Variants in SVIP observed in about 807,000 individuals in gnomAD.
SVIP encodes the protein small VCP interacting protein.
Under a neutral mutation model 12.9 loss-of-function variants are expected in SVIP, and 14 were observed. The observed-to-expected ratio is 1.08, with a 90% CI of 0.72 to 1.70. The LOEUF (loss-of-function observed/expected upper bound fraction) is 1.70, where lower values mean the gene tolerates loss of function less well. SVIP is among the 40% of genes most tolerant of loss of function. The pLI, the probability that SVIP is intolerant of heterozygous loss-of-function variation, is 0.00. For synonymous variants in SVIP, 35 were observed against 33.3 expected (o/e 1.05, Z -0.17); for missense variants, 93 against 90.8 (o/e 1.02, Z -0.10).
chr11:22,823,105 A>G lies in SVIP; in HGVS notation c.*14T>C. On this transcript the variant is annotated 3_prime_UTR_variant, in exon 4 of 4. Transcript: ENST00000354193. ...ACAGTTATTGGCAGTAGATTCTTCT[A>G]CTCATGTTATGCTTTATGAAACTGT... The G allele has an allele frequency of 6.3e-7, 1 of 1,584,516 alleles. No homozygotes were observed. The highest frequency in any genetic ancestry group is 1.2e-5 in the South Asian group (1 of 86,506).
chr11:22,825,412 G>A (rs199831381), intron 3 of SVIP, among the ~76,000 whole-genome samples: 1 of 152,122 alleles, frequency 6.6e-6, no homozygotes, highest in East Asian at 1.9e-4. Context: ...AGTGGTAGGT[G>A]ATGAGGAATA....
At position 22,829,790 on chromosome 11, in the gene SVIP, C is replaced by A. The variant is rs761567401; in HGVS notation, c.-42G>T. Reference sequence around the variant, plus strand: ...GAACCCTGACCGGGTCCGGCCCAGGCCAGGCGGCGCTAACTGCGCGGTCCG... The same window carrying A: ...GAACCCTGACCGGGTCCGGCCCAGGACAGGCGGCGCTAACTGCGCGGTCCG... On this transcript the variant is annotated 5_prime_UTR_variant, in exon 1 of 4. Transcript: ENST00000354193. The A allele has an allele frequency of 1.3e-6, 2 of 1,564,330 alleles. No homozygotes were observed. Among genetic ancestry groups the A allele is most frequent in the Non-Finnish European group, 1.7e-6 (2 of 1,153,254 alleles).
Position 22,822,433 on chromosome 11 carries a change from C to T in SVIP, c.*686G>A, listed in dbSNP as rs984367618. ...GAGCTGAATTTAATATACAATAGAA[C>T]ATCACTGCCCTCTGATGGTATCACT... On this transcript the variant is annotated 3_prime_UTR_variant, in exon 4 of 4. Transcript: ENST00000354193. The T allele has an allele frequency of 6.6e-6, 1 of 152,094 alleles. No individual in the cohort carries two copies. The highest frequency in any genetic ancestry group is 1.5e-5 in the Non-Finnish European group (1 of 67,964). 9.4% of individuals were successfully genotyped at this position (152,094 alleles called of 1,614,324 possible). A position where few individuals can be genotyped will look rare whatever the true frequency, so the allele number is the denominator to read the frequency against.
Position 22,821,228 on chromosome 11 carries a change from C to A in SVIP, c.*1891G>T, listed in dbSNP as rs1857475171. On this transcript the variant is annotated 3_prime_UTR_variant, in exon 4 of 4. Transcript: ENST00000354193. ...TTTCTCATAAGACATCCAGTCACTT[C>A]TTTTCCCTTGCCCTTTCCTAACACT... 1 of 150,410 alleles carries A rather than the reference C, an allele frequency of 6.6e-6. No homozygotes were observed. Among genetic ancestry groups the A allele is most frequent in the Non-Finnish European group, 1.5e-5 (1 of 67,688 alleles). 9.3% of individuals were successfully genotyped at this position (150,410 alleles called of 1,614,324 possible). A position where few individuals can be genotyped will look rare whatever the true frequency, so the allele number is the denominator to read the frequency against.
At chr11:22,829,560 A>T in intron 1 of SVIP, 135 bp downstream of exon 1, 1 of 875,828 alleles carries the variant, frequency 1.1e-6, no homozygotes, top group Non-Finnish European at 1.7e-6. Flanking sequence ...TGACGCGTCC[A>T]CCCGTCCTCG....
rs149106846 is a variant in SVIP, at chr11:22,821,630, G to C, written c.*1489C>G. On this transcript the variant is annotated 3_prime_UTR_variant, in exon 4 of 4. Coordinates refer to ENST00000354193, the MANE Select transcript of SVIP (RefSeq NM_148893.3). ...AATCATTCCTTTTACTTTCTGCCTT[G>C]AAAAAATCATTTTAATAAAATCAAA... The C allele has an allele frequency of 1.7e-4, 26 of 152,052 alleles. No individual in the cohort carries two copies. The highest frequency in any genetic ancestry group is 5.1e-4 in the African/African-American group (21 of 41,492). 9.4% of individuals were successfully genotyped at this position (152,052 alleles called of 1,614,324 possible). A position where few individuals can be genotyped will look rare whatever the true frequency, so the allele number is the denominator to read the frequency against.
intron 1 of SVIP, chr11:22,829,421 C>A (rs974662201): frequency 2.6e-6 from 1 of 378,120 alleles, no homozygotes; most frequent in East Asian, 4.2e-5. Flanking sequence ...TATGAAGATC[C>A]GGCGCAGCTA....
Position 22,819,261 on chromosome 11 carries a change from AG to A in SVIP, c.*3857del, listed in dbSNP as rs1381984376. On this transcript the variant is annotated 3_prime_UTR_variant, in exon 4 of 4. Coordinates refer to ENST00000354193, the MANE Select transcript of SVIP (RefSeq NM_148893.3). ...TAGACAGAGAAAAGGGCATTTTAGG[AG>A]TTTGATAGGAAAAGGAGTTTAGCAT... The A allele has an allele frequency of 6.6e-6, 1 of 152,170 alleles. No individual in the cohort carries two copies. The highest frequency in any genetic ancestry group is 1.5e-5 in the Non-Finnish European group (1 of 68,038). The allele number at this position is 152,170 out of a possible 1,614,324, so 9.4% of individuals were successfully genotyped here.
At position 22,820,426 on chromosome 11, in the gene SVIP, G is replaced by GA. The variant is rs1324835467; in HGVS notation, c.*2692dup. On this transcript the variant is annotated 3_prime_UTR_variant, in exon 4 of 4. Transcript: ENST00000354193. The stretch of plus-strand genomic sequence containing the variant: ...CTAATTACATCATTTTTCCTTTATA[G>GA]AAAATCCACCTATAAATCCAGGGAT... 1 of 152,046 alleles carries GA rather than the reference G, an allele frequency of 6.6e-6. No homozygotes were observed. Among genetic ancestry groups the GA allele is most frequent in the African/African-American group, 2.4e-5 (1 of 41,416 alleles). The allele number at this position is 152,046 out of a possible 1,614,324, so 9.4% of individuals were successfully genotyped here.
intron 3 of SVIP, among the ~76,000 whole-genome samples, chr11:22,826,966 T>A (rs1266944420): frequency 6.6e-6 from 1 of 152,074 alleles, no homozygotes; most frequent in East Asian, 1.9e-4. Flanking sequence ...AGCATAAGAG[T>A]ATTAAAATAT....
At position 22,820,925 on chromosome 11, in the gene SVIP, T is replaced by C. The variant is rs1166916803; in HGVS notation, c.*2194A>G. The C allele has an allele frequency of 2.0e-5, 3 of 151,910 alleles. No individual in the cohort carries two copies. Among genetic ancestry groups the C allele is most frequent in the African/African-American group, 7.2e-5 (3 of 41,398 alleles). 9.4% of individuals were successfully genotyped at this position (151,910 alleles called of 1,614,324 possible). On this transcript the variant is annotated 3_prime_UTR_variant, in exon 4 of 4. Transcript: ENST00000354193. ...TAATAGGTCAGGGGTTTGAGCAACA[T>C]TTTAAGCATTATAATTTTCTCCTAA...
chr11:22,827,233 C>T lies in SVIP; in HGVS notation c.193G>A (p.Gly65Arg), dbSNP rs1205552577. 5.6e-6 allele frequency: 9 copies of T among 1,608,654 alleles called. No individual in the cohort carries two copies. Among genetic ancestry groups the T allele is most frequent in the African/African-American group, 1.3e-5 (1 of 74,408 alleles). ...CTAAGTCCACCTTCTGGTGGGGGCCCGGATGTAGCAATTTGTTTTTCTATT... is the reference window on the plus strand; with the variant it reads ...CTAAGTCCACCTTCTGGTGGGGGCCTGGATGTAGCAATTTGTTTTTCTATT... ...EKIEKQIATS[G>R]PPPEGGLRWT... The change falls in exon 3 of 4, where the codon GGG becomes AGG. Residue 65 changes from glycine to arginine, a missense_variant. By Grantham distance (125) the Gly-to-Arg change is moderately radical. Coordinates refer to ENST00000354193, the MANE Select transcript of SVIP (RefSeq NM_148893.3).
In SVIP at chr11:22,823,148, A is replaced by G. The variant is rs375310284; in HGVS notation, c.220-15T>C. 1.5e-5 allele frequency: 23 copies of G among 1,577,576 alleles called. No homozygotes were observed. The Admixed American group carries it at 3.8e-4, about 26-fold the overall frequency. ...GAAACTGTCCACTAGAAAAGATAAA[A>G]AAGAGACAGAAAAGTAAATTTTACT... is the stretch of plus-strand genomic sequence containing the variant. On this transcript the variant is annotated splice_polypyrimidine_tract_variant and intron_variant, in intron 3 of 3. Transcript: ENST00000354193.
At chr11:22,828,556 A>G (rs2134771485) in intron 1 of SVIP, among the ~76,000 whole-genome samples, 1 of 152,242 alleles carries the variant, frequency 6.6e-6, no homozygotes, top group African/African-American at 2.4e-5. Flanking sequence ...TGTGGGGAAT[A>G]TATTTTGTTT....
chr11:22,822,995 G>T lies in SVIP; in HGVS notation c.*124C>A. On this transcript the variant is annotated 3_prime_UTR_variant, in exon 4 of 4. Coordinates refer to ENST00000354193, the MANE Select transcript of SVIP (RefSeq NM_148893.3). ...ACGTTTTTTTAGCATTGCACTTAAG[G>T]GCAATAATATTACAAAGTCTGAATC... is the stretch of plus-strand genomic sequence containing the variant. The T allele has an allele frequency of 7.6e-6, 6 of 784,328 alleles. No individual in the cohort carries two copies. Among genetic ancestry groups the T allele is most frequent in the Admixed American group, 3.5e-5 (1 of 28,620 alleles). The allele number at this position is 784,328 out of a possible 1,614,324, so 48.6% of individuals were successfully genotyped here. A position where few individuals can be genotyped will look rare whatever the true frequency, so the allele number is the denominator to read the frequency against.
chr11:22,827,262 TC>T lies in SVIP; in HGVS notation c.163del (p.Glu55LysfsTer3). The T allele has an allele frequency of 6.2e-7, 1 of 1,611,392 alleles. No individual in the cohort carries two copies. Among genetic ancestry groups the T allele is most frequent in the Non-Finnish European group, 8.5e-7 (1 of 1,179,100 alleles). On this transcript the variant is annotated frameshift_variant, in exon 3 of 4. Coordinates refer to ENST00000354193, the MANE Select transcript of SVIP (RefSeq NM_148893.3). LOFTEE classifies it high-confidence loss of function. ...QSVQEKRKKK[E>X]KIEKQIATSG... ...TGTAGCAATTTGTTTTTCTATTTTTTCCTTTTTCTTTCTCTTTTCTTGCACA... is the reference window on the plus strand; with the variant it reads ...TGTAGCAATTTGTTTTTCTATTTTTTCTTTTTCTTTCTCTTTTCTTGCACA...
intron 1 of SVIP, among the ~76,000 whole-genome samples, chr11:22,828,547 G>C (rs901362029): frequency 6.6e-6 from 1 of 152,134 alleles, no homozygotes; most frequent in Non-Finnish European, 1.5e-5. Flanking sequence ...GGGTGGTATT[G>C]TGGGGAATAT....
chr11:22,823,090 G>T lies in SVIP; in HGVS notation c.*29C>A. 6.4e-7 allele frequency: 1 copy of T among 1,567,698 alleles called. No homozygotes were observed. On this transcript the variant is annotated 3_prime_UTR_variant, in exon 4 of 4. Coordinates refer to ENST00000354193, the MANE Select transcript of SVIP (RefSeq NM_148893.3). The stretch of plus-strand genomic sequence containing the variant: ...GATTGCAGATAATAAACAGTTATTG[G>T]CAGTAGATTCTTCTACTCATGTTAT...
rs1299372941 is a variant in SVIP, at chr11:22,820,917, G to A, written c.*2202C>T. On this transcript the variant is annotated 3_prime_UTR_variant, in exon 4 of 4. Coordinates refer to ENST00000354193, the MANE Select transcript of SVIP (RefSeq NM_148893.3). ...TAGTTTAGTAATAGGTCAGGGGTTT[G>A]AGCAACATTTTAAGCATTATAATTT... The A allele has an allele frequency of 6.6e-6, 1 of 151,764 alleles. No individual in the cohort carries two copies. Among genetic ancestry groups the A allele is most frequent in the Non-Finnish European group, 1.5e-5 (1 of 67,948 alleles). 9.4% of individuals were successfully genotyped at this position (151,764 alleles called of 1,614,324 possible).
Sources: allele counts gnomAD v4.1 joint callset (sites outside exome capture counted in the v4.1 genomes callset), GRCh38; gene constraint gnomAD v4.1.1; transcripts MANE v1.5; gene names NCBI Gene and HGNC (gene_info 2026-07-23, HGNC 2026-07-21).